The following AFF2 variants were observed in gnomAD, a reference collection of about 807,000 sequenced individuals.
AFF2 encodes the protein ALF transcription elongation factor 2.
A neutral mutation model predicts 76.9 loss-of-function variants in AFF2; 14 were observed. That is an observed-to-expected ratio of 0.18 (90% CI 0.12 to 0.28). The LOEUF (loss-of-function observed/expected upper bound fraction) is 0.28, where lower values mean the gene tolerates loss of function less well. Ranked by LOEUF, AFF2 falls within the 10% of genes least tolerant of loss-of-function variation. The probability of loss-of-function intolerance (pLI) is 1.00; values close to 1 mark genes in which losing one functional copy is unlikely to be tolerated. For synonymous variants in AFF2, 398 were observed against 366.7 expected (o/e 1.09, Z -0.98); for missense variants, 868 against 1,001.1 (o/e 0.87, Z 1.79).
rs781905974 is a variant in AFF2, at chrX:148,523,862, T to C, written c.47+22718T>C. On this transcript the variant is annotated intron_variant, in intron 1 of 20. Coordinates refer to ENST00000370460, the MANE Select transcript of AFF2 (RefSeq NM_002025.4). ...GAAAGGAATGACATACTCTTTAGGGTAATCGTGTAGGCAGGGATGAGGAGA... is the reference window on the plus strand; with the variant it reads ...GAAAGGAATGACATACTCTTTAGGGCAATCGTGTAGGCAGGGATGAGGAGA... Among the ~76,000 whole-genome samples the C allele has an allele frequency of 1.3e-3, 141 of 111,649 alleles. 1 individual carries two copies. The highest frequency in any genetic ancestry group is 4.2e-3 in the African/African-American group (130 of 30,732).
chrX:148,678,690 G>A (rs1275869325), intron 3 of AFF2, among the ~76,000 whole-genome samples: 1 of 111,842 alleles, frequency 8.9e-6, no homozygotes, highest in Non-Finnish European at 1.9e-5. Context: ...ACATATAAAA[G>A]TTCCTTAGTT....
At chrX:148,918,739 T>A (rs1188088902) in intron 9 of AFF2, among the ~76,000 whole-genome samples, 1 of 111,708 alleles carries the variant, frequency 9.0e-6, no homozygotes, top group Admixed American at 9.5e-5. Context: ...GACCTTGGGA[T>A]GACATTAATT....
At chrX:148,897,801 A>T in intron 8 of AFF2, among the ~76,000 whole-genome samples, 1 of 110,487 alleles carries the variant, frequency 9.1e-6, no homozygotes, top group Non-Finnish European at 1.9e-5. Context: ...GGGGAAGAAA[A>T]TTGAATTTTC....
chrX:148,552,287 T>C, intron 1 of AFF2, among the ~76,000 whole-genome samples: 1 of 112,076 alleles, frequency 8.9e-6, no homozygotes, highest in East Asian at 2.8e-4. Flanking sequence ...CAGAGAGTGA[T>C]GGGGAAGGTC....
chrX:148,843,512 TG>T, intron 7 of AFF2, 79 bp downstream of exon 7: 1 of 840,475 alleles, frequency 1.2e-6, no homozygotes, highest in Non-Finnish European at 1.8e-6. Context: ...GATCTAATCT[TG>T]TTCTCTCCTC....
At chrX:148,659,868 C>G (rs2054287796) in intron 2 of AFF2, among the ~76,000 whole-genome samples, 1 of 111,929 alleles carries the variant, frequency 8.9e-6, no homozygotes, top group Non-Finnish European at 1.9e-5. Context: ...AACCTAGAGA[C>G]TTTTAGGAAA....
At chrX:148,760,281 C>G (rs1402886923) in intron 3 of AFF2, among the ~76,000 whole-genome samples, 1 of 111,653 alleles carries the variant, frequency 9.0e-6, no homozygotes, top group Non-Finnish European at 1.9e-5. Context: ...AGTGACACAC[C>G]TCCTGAAAGC....
chrX:148,851,382 T>C (rs1357348227), intron 7 of AFF2, among the ~76,000 whole-genome samples: 1 of 112,655 alleles, frequency 8.9e-6, no homozygotes, highest in Non-Finnish European at 1.9e-5. Flanking sequence ...ACAAATATGC[T>C]GCCAAGACTG....
At chrX:148,890,538 G>A (rs1328554113) in intron 8 of AFF2, among the ~76,000 whole-genome samples, 1 of 112,073 alleles carries the variant, frequency 8.9e-6, no homozygotes, top group Non-Finnish European at 1.9e-5. Context: ...TGTCTTAACT[G>A]GCCCCCAAAG....
chrX:148,501,095 G>C lies in AFF2; in HGVS notation c.-3G>C. 8 of 1,209,803 alleles carry C rather than the reference G, an allele frequency of 6.6e-6. No individual in the cohort carries two copies. The highest frequency in any genetic ancestry group is 8.9e-6 in the Non-Finnish European group (8 of 894,437). The stretch of plus-strand genomic sequence containing the variant: ...GCCCGCCCGCCGCCGCCGCCTGGCC[G>C]CTATGGATCTATTCGACTTTTTCAG... On this transcript the variant is annotated 5_prime_UTR_variant, in exon 1 of 21. Transcript: ENST00000370460.
chrX:148,677,179 A>G (rs2054495401), intron 3 of AFF2, among the ~76,000 whole-genome samples: 1 of 110,929 alleles, frequency 9.0e-6, no homozygotes, highest in Non-Finnish European at 1.9e-5. Context: ...ATTTAAAATG[A>G]TGCTGAGATT....
chrX:148,770,318 A>G (rs1298643550), intron 3 of AFF2, among the ~76,000 whole-genome samples: 4 of 111,866 alleles, frequency 3.6e-5, no homozygotes, highest in African/African-American at 1.3e-4. Context: ...TCAGCAGCTC[A>G]TTCTATACGT....
intron 3 of AFF2, among the ~76,000 whole-genome samples, chrX:148,729,109 T>C (rs192504321): frequency 2.3e-3 from 260 of 111,913 alleles, no homozygotes; most frequent in Non-Finnish European, 4.2e-3. Flanking sequence ...ACATTGTCTT[T>C]GCCTGCCAGG....
chrX:148,742,356 T>C (rs1247165184), intron 3 of AFF2, among the ~76,000 whole-genome samples: 1 of 112,557 alleles, frequency 8.9e-6, no homozygotes, highest in African/African-American at 3.2e-5. Flanking sequence ...TACTTGATTG[T>C]GTCCTCCCAA....
At chrX:148,650,608 G>A (rs1438865675) in intron 1 of AFF2, among the ~76,000 whole-genome samples, 1 of 112,303 alleles carries the variant, frequency 8.9e-6, no homozygotes, top group Non-Finnish European at 1.9e-5. Flanking sequence ...GGAGAAATGA[G>A]TGTTCTTTAT....
At chrX:148,939,752 C>G (rs1484813681) in intron 9 of AFF2, among the ~76,000 whole-genome samples, 1 of 111,894 alleles carries the variant, frequency 8.9e-6, no homozygotes, top group Non-Finnish European at 1.9e-5. Context: ...TTGGTATTAG[C>G]CATCTTGGAT....
chrX:148,704,566 G>A (rs898916298), intron 3 of AFF2, among the ~76,000 whole-genome samples: 56 of 87,467 alleles, frequency 6.4e-4, no homozygotes, highest in African/African-American at 2.1e-3. Flanking sequence ...TTGCTCTGAC[G>A]TGCAGGCTGG....
At position 148,667,979 on chromosome X, in the gene AFF2, C is replaced by T. The variant is rs782450828; in HGVS notation, c.1041+5211C>T. ...AATCTGAATCAATGCAAGTCCCTTC[C>T]GCTTATGAGTCCATAAATTCAAAAG... On this transcript the variant is annotated intron_variant, in intron 3 of 20. Transcript: ENST00000370460. 1.6e-4 allele frequency among the ~76,000 whole-genome samples: 18 copies of T among 112,620 alleles called. No individual in the cohort carries two copies. The East Asian group carries it at 2.0e-3, about 12-fold the overall frequency.
At chrX:148,717,198 G>C (rs782577325) in intron 3 of AFF2, among the ~76,000 whole-genome samples, 9 of 111,567 alleles carry the variant, frequency 8.1e-5, no homozygotes, top group African/African-American at 2.9e-4. Context: ...CACAAAATAT[G>C]GTCTATCCAT....
Sources: gnomAD v4.1 joint callset for allele counts (sites outside exome capture counted in the v4.1 genomes callset) on GRCh38, gnomAD v4.1.1 for gene constraint, MANE v1.5 for transcripts, NCBI Gene and HGNC (gene_info 2026-07-23, HGNC 2026-07-21) for gene names.